PTCHD4: variants seen among roughly 807,000 people sequenced by gnomAD.
The protein encoded by PTCHD4 is patched domain containing 4.
A neutral mutation model predicts 58.1 loss-of-function variants in PTCHD4; 33 were observed. The ratio of observed to expected loss-of-function variants is 0.57; its 90% CI spans 0.43 to 0.76. The LOEUF is 0.76. PTCHD4 is among the 30% of genes least tolerant of loss of function. The probability of loss-of-function intolerance (pLI) is 0.00; values close to 1 mark genes in which losing one functional copy is unlikely to be tolerated. For missense variants in PTCHD4, 1,058 were observed against 1,027.1 expected, an observed-to-expected ratio of 1.03 and a Z score of -0.41; for synonymous variants, 478 against 409.6, an observed-to-expected ratio of 1.17 and a Z score of -2.02.
intron 4 of PTCHD4, among the ~76,000 whole-genome samples, chr6:47,951,357 G>C (rs1199850580): frequency 6.6e-6 from 1 of 152,140 alleles, no homozygotes. Flanking sequence ...CAGCCTAGAT[G>C]ACTCTAAGAC....
Position 48,068,290 on chromosome 6 carries a change from G to C in PTCHD4, c.357C>G (p.Asp119Glu). Reference sequence around the variant, plus strand: ...TCCCCTCAGCCTGGAGCAAAATATTGTCCCCGGTTGGGGAGAGGAGGATCA... The same window carrying C: ...TCCCCTCAGCCTGGAGCAAAATATTCTCCCCGGTTGGGGAGAGGAGGATCA... ...GRVILLSPTG[D>E]NILLQAEGIL... Residue 119 changes from aspartate to glutamate, a missense_variant, in exon 3 of 5, where the codon GAC becomes GAG. Asp to Glu is a conservative substitution (Grantham distance 45, BLOSUM62 2). Coordinates refer to ENST00000339488, the MANE Select transcript of PTCHD4 (RefSeq NM_001384253.1). This position sits in a 1 kb window ranked among gnomAD's most constrained non-coding sequence, Gnocchi z 4.2. The C allele has an allele frequency of 6.2e-7, 1 of 1,610,540 alleles. No individual in the cohort carries two copies. Among genetic ancestry groups the C allele is most frequent in the Non-Finnish European group, 8.5e-7 (1 of 1,177,354 alleles).
At chr6:47,882,363 A>G (rs1046876093) in intron 4 of PTCHD4, among the ~76,000 whole-genome samples, 3 of 152,090 alleles carry the variant, frequency 2.0e-5, no homozygotes, top group Admixed American at 2.0e-4. Context: ...ACCATATTAG[A>G]TTAGGTAATC....
intron 4 of PTCHD4, among the ~76,000 whole-genome samples, chr6:47,998,875 A>T (rs577377011): frequency 2.0e-5 from 3 of 152,348 alleles, no homozygotes; most frequent in African/African-American, 7.2e-5. Context: ...CAAGAAAATT[A>T]AAACTAAAGA....
intron 1 of PTCHD4, among the ~76,000 whole-genome samples, chr6:48,105,728 G>T (rs538233178): frequency 6.6e-5 from 10 of 152,026 alleles, no homozygotes; most frequent in Non-Finnish European, 1.5e-4. Context: ...AGAAAAGAGA[G>T]AAGAATCAAA....
chr6:47,907,765 G>C (rs1764943274), intron 4 of PTCHD4, among the ~76,000 whole-genome samples: 1 of 152,142 alleles, frequency 6.6e-6, no homozygotes, highest in African/African-American at 2.4e-5. Context: ...GCTGGCAAAG[G>C]TTGAGCAGGG....
Position 47,863,193 on chromosome 6 carries a change from C to T in PTCHD4, c.*15110G>A, listed in dbSNP as rs1019882245. On this transcript the variant is annotated 3_prime_UTR_variant, in exon 5 of 5. Coordinates refer to ENST00000339488, the MANE Select transcript of PTCHD4 (RefSeq NM_001384253.1). ...GGGGCAGATCAAAATTTTGTTGAGC[C>T]TGAAGTGTATACATTTTTGGAGTCC... Among the ~76,000 whole-genome samples, 4 of 151,746 alleles carry T rather than the reference C, an allele frequency of 2.6e-5. No individual in the cohort carries two copies. Among genetic ancestry groups the T allele is most frequent in the African/African-American group, 9.7e-5 (4 of 41,366 alleles).
chr6:48,015,892 T>C (rs1762850216), intron 3 of PTCHD4, among the ~76,000 whole-genome samples: 3 of 151,770 alleles, frequency 2.0e-5, no homozygotes, highest in South Asian at 4.1e-4. Context: ...CCTTAAGATA[T>C]ATATAACTAA....
chr6:48,045,610 A>T (rs1473088743), intron 3 of PTCHD4, among the ~76,000 whole-genome samples: 5 of 151,820 alleles, frequency 3.3e-5, no homozygotes, highest in African/African-American at 1.2e-4. Context: ...AGCATGTCTC[A>T]TTTCAGTCCT....
In PTCHD4 at chr6:47,860,864, A is replaced by G. The variant is rs1183729098; in HGVS notation, c.*17439T>C. 1.3e-5 allele frequency among the ~76,000 whole-genome samples: 2 copies of G among 152,028 alleles called. No individual in the cohort carries two copies. Among genetic ancestry groups the G allele is most frequent in the African/African-American group, 4.8e-5 (2 of 41,444 alleles). ...TTTCATAAAAATTATTTATCCTGAG[A>G]TAAACTCTTTATGATTTTTAGACTT... On this transcript the variant is annotated 3_prime_UTR_variant, in exon 5 of 5. Transcript: ENST00000339488.
At chr6:47,980,912 T>C (rs963590546) in intron 4 of PTCHD4, among the ~76,000 whole-genome samples, 5 of 152,044 alleles carry the variant, frequency 3.3e-5, no homozygotes, top group Non-Finnish European at 7.4e-5. Flanking sequence ...ATTCTCAGAA[T>C]TGAAGACTTT....
In PTCHD4 at chr6:47,874,692, A is replaced by G. The variant is rs1763801727; in HGVS notation, c.*3611T>C. ...TTCTCACCTCACAAGGTAAAAACCT[A>G]AATTCTGTGGAAATAAATGGGAATC... On this transcript the variant is annotated 3_prime_UTR_variant, in exon 5 of 5. Coordinates refer to ENST00000339488, the MANE Select transcript of PTCHD4 (RefSeq NM_001384253.1). 2.0e-5 allele frequency among the ~76,000 whole-genome samples: 3 copies of G among 151,760 alleles called. No individual in the cohort carries two copies. Among genetic ancestry groups the G allele is most frequent in the African/African-American group, 4.8e-5 (2 of 41,386 alleles).
intron 4 of PTCHD4, chr6:47,891,051 A>G (rs1447481090): frequency 6.3e-6 from 1 of 159,624 alleles, no homozygotes; most frequent in African/African-American, 2.4e-5. Flanking sequence ...CAACTAAAAA[A>G]AAAAAAAAAA....
chr6:47,922,018 G>T (rs373647631), intron 4 of PTCHD4, among the ~76,000 whole-genome samples: 2 of 151,584 alleles, frequency 1.3e-5, no homozygotes, highest in East Asian at 3.9e-4. Flanking sequence ...GCATGCCTGA[G>T]CCCCAGTTAC....
Position 48,103,827 on chromosome 6 carries a change from G to A in PTCHD4, c.-970+7222C>T, listed in dbSNP as rs976693670. On this transcript the variant is annotated intron_variant, in intron 1 of 4. Transcript: ENST00000339488. The stretch of plus-strand genomic sequence containing the variant: ...ATGCACAAGCCTCAGTAACTGATGC[G>A]ATCAACTGGAAGAAAGGGTATCAGC... Among the ~76,000 whole-genome samples the A allele has an allele frequency of 9.8e-5, 15 of 152,290 alleles. No individual in the cohort carries two copies. The South Asian group carries it at 1.9e-3, about 19-fold the overall frequency.
At chr6:47,882,294 A>T (rs146174982) in intron 4 of PTCHD4, among the ~76,000 whole-genome samples, 2 of 152,074 alleles carry the variant, frequency 1.3e-5, no homozygotes, top group African/African-American at 4.8e-5. Context: ...TACACTATGT[A>T]GGCCAGATTT....
At chr6:47,962,616 T>C (rs894206770) in intron 4 of PTCHD4, among the ~76,000 whole-genome samples, 2 of 152,110 alleles carry the variant, frequency 1.3e-5, no homozygotes, top group African/African-American at 4.8e-5. Context: ...CCTGCCACCT[T>C]GTGAAGAAGG....
rs1763356803 is a variant in PTCHD4, at chr6:47,858,834, T to C, written c.*19469A>G. Among the ~76,000 whole-genome samples, 1 of 152,084 alleles carries C rather than the reference T, an allele frequency of 6.6e-6. No homozygotes were observed. The highest frequency in any genetic ancestry group is 2.4e-5 in the African/African-American group (1 of 41,446). ...AACAATACAGCAAATGTCACATTTG[T>C]ACAGAATATGCTTCCTATAATCCTT... On this transcript the variant is annotated 3_prime_UTR_variant, in exon 5 of 5. Coordinates refer to ENST00000339488, the MANE Select transcript of PTCHD4 (RefSeq NM_001384253.1).
Position 47,867,192 on chromosome 6 carries a change from G to A in PTCHD4, c.*11111C>T, listed in dbSNP as rs1310940237. On this transcript the variant is annotated 3_prime_UTR_variant, in exon 5 of 5. Coordinates refer to ENST00000339488, the MANE Select transcript of PTCHD4 (RefSeq NM_001384253.1). Reference sequence around the variant, plus strand: ...TGTATTAGTTTGAGCTGTTTGTTCTGGAGAGTTTGGGTTCCCAGCAATCCA... The same window carrying A: ...TGTATTAGTTTGAGCTGTTTGTTCTAGAGAGTTTGGGTTCCCAGCAATCCA... 6.6e-6 allele frequency among the ~76,000 whole-genome samples: 1 copy of A among 151,648 alleles called. No individual in the cohort carries two copies. The highest frequency in any genetic ancestry group is 6.6e-5 in the Admixed American group (1 of 15,178).
At chr6:47,906,669 G>C (rs965984402) in intron 4 of PTCHD4, among the ~76,000 whole-genome samples, 5 of 152,116 alleles carry the variant, frequency 3.3e-5, no homozygotes, top group Admixed American at 2.0e-4. Context: ...CTTCTACCCA[G>C]GATAAAATCT....
Sources: allele counts gnomAD v4.1 joint callset (sites outside exome capture counted in the v4.1 genomes callset), GRCh38; gene constraint gnomAD v4.1.1; non-coding constraint Gnocchi (gnomAD v3.1); transcripts MANE v1.5; gene names NCBI Gene and HGNC (gene_info 2026-07-23, HGNC 2026-07-21).